ABL1: variants seen among roughly 807,000 people sequenced by gnomAD.
The protein encoded by ABL1 is ABL proto-oncogene 1, non-receptor tyrosine kinase.
In ABL1, 11 loss-of-function variants were observed where a neutral mutation model predicts 94.7. The ratio of observed to expected loss-of-function variants is 0.12; its 90% confidence interval spans 0.07 to 0.19. The LOEUF (loss-of-function observed/expected upper bound fraction) is 0.19, where lower values mean the gene tolerates loss of function less well. Among genes scored for constraint, ABL1 ranks in the 10% least tolerant of loss-of-function variants. The pLI, the probability that ABL1 is intolerant of heterozygous loss-of-function variation, is 1.00. For missense variants in ABL1, 1,082 were observed against 1,489.4 expected (o/e 0.73, Z 4.50); for synonymous variants, 656 against 622.4 (o/e 1.05, Z -0.80).
intron 1 of ABL1, among the ~76,000 whole-genome samples, chr9:130,779,852 A>G (rs1184555731): frequency 6.6e-6 from 1 of 152,170 alleles, no homozygotes; most frequent in African/African-American, 2.4e-5. Context: ...ACTGCGGGCA[A>G]ACCTGACAGC....
intron 1 of ABL1, among the ~76,000 whole-genome samples, chr9:130,741,419 C>T (rs544902624): frequency 2.6e-4 from 39 of 152,040 alleles, no homozygotes; most frequent in African/African-American, 3.9e-4. Context: ...GTTACCATGC[C>T]GGAGTAACAG....
rs1048009216 is a variant in ABL1, at chr9:130,731,319, T to C, written c.136+16864T>C. 7.9e-5 allele frequency among the ~76,000 whole-genome samples: 12 copies of C among 152,288 alleles called. No individual in the cohort carries two copies. The South Asian group carries it at 1.7e-3, about 21-fold the overall frequency. On this transcript the variant is annotated intron_variant, in intron 1 of 10. Coordinates refer to the ABL1 transcript ENST00000372348. The stretch of plus-strand genomic sequence containing the variant: ...ACTGCGTCCGGCTGCTTTTTCACTC[T>C]CTTAATGGTGTCTTTGATAAACCTT...
chr9:130,817,646 C>G (rs530644730), intron 1 of ABL1, among the ~76,000 whole-genome samples: 2 of 152,276 alleles, frequency 1.3e-5, no homozygotes, highest in South Asian at 4.1e-4. Flanking sequence ...TGAGTGTACC[C>G]TTTCTGCAGA....
chr9:130,878,283 T>G, intron 7 of ABL1, 132 bp from the exon 8 acceptor site: 2 of 1,078,332 alleles, frequency 1.9e-6, no homozygotes, highest in Non-Finnish European at 2.7e-6. Context: ...AAGAGCCTGG[T>G]AAAATGTCAG....
chr9:130,751,541 G>A (rs1192243752), intron 1 of ABL1, among the ~76,000 whole-genome samples: 1 of 152,166 alleles, frequency 6.6e-6, no homozygotes, highest in East Asian at 1.9e-4. Context: ...TGGGCTTCAT[G>A]AGTGATTCCC....
chr9:130,753,980 T>C (rs1053458646), intron 1 of ABL1, among the ~76,000 whole-genome samples: 3 of 149,400 alleles, frequency 2.0e-5, no homozygotes, highest in Non-Finnish European at 4.5e-5. Flanking sequence ...CTGAGGCGGG[T>C]GTATCACCTG....
In ABL1 at chr9:130,734,515, TG is replaced by T. The variant is rs548927972; in HGVS notation, c.136+20061del. Reference sequence around the variant, plus strand: ...CAGGTGTGAGCCACTGCGCCTGGCCTGAATCTTCTTTTTTTTTTTTTTTTGA... The same window carrying T: ...CAGGTGTGAGCCACTGCGCCTGGCCTAATCTTCTTTTTTTTTTTTTTTTGA... On this transcript the variant is annotated intron_variant, in intron 1 of 10. Coordinates refer to the ABL1 transcript ENST00000372348. Among the ~76,000 whole-genome samples, 1,229 of 148,764 alleles carry T rather than the reference TG, an allele frequency of 8.3e-3. 24 individuals are homozygous for T. The highest frequency in any genetic ancestry group is 0.03 in the African/African-American group (1,196 of 40,426).
chr9:130,761,619 A>G (rs148480206), intron 1 of ABL1, among the ~76,000 whole-genome samples: 226 of 152,362 alleles, frequency 1.5e-3, no homozygotes, highest in African/African-American at 5.3e-3. Context: ...TCTTTTCCGC[A>G]TCACGCGTGG....
chr9:130,880,428 AACC>A lies in ABL1; in HGVS notation c.1514-66_1514-64del. On this transcript the variant is annotated intron_variant, in intron 9 of 10. Coordinates refer to ENST00000318560, the MANE Select transcript of ABL1 (RefSeq NM_005157.6). The surrounding 1 kb of genome is among the most constrained non-coding windows in gnomAD (Gnocchi z 4.4). ...GCACTGTTACCTTACAAAGAAAGAG[AACC>A]ACCACACCAAGCCAACACCAGTACT... is the stretch of plus-strand genomic sequence containing the variant. 1 of 1,556,364 alleles carries A rather than the reference AACC, an allele frequency of 6.4e-7. No homozygotes were observed. The highest frequency in any genetic ancestry group is 8.8e-7 in the Non-Finnish European group (1 of 1,141,558).
rs142188571 is a variant in ABL1, at chr9:130,745,378, C to T, written c.136+30923C>T. Among the ~76,000 whole-genome samples, 486 of 152,146 alleles carry T rather than the reference C, an allele frequency of 3.2e-3. 2 individuals carry two copies. The highest frequency in any genetic ancestry group is 0.011 in the African/African-American group (460 of 41,512). ...GGATTACAGGCGTGAGTCACTGTGCCCAGCCCTGGGAACCTTTTAATTGTC... is the reference window on the plus strand; with the variant it reads ...GGATTACAGGCGTGAGTCACTGTGCTCAGCCCTGGGAACCTTTTAATTGTC... On this transcript the variant is annotated intron_variant, in intron 1 of 10. Coordinates refer to the ABL1 transcript ENST00000372348.
chr9:130,747,243 T>C (rs34740104), intron 1 of ABL1, among the ~76,000 whole-genome samples: 2,175 of 152,156 alleles, frequency 0.014, 57 homozygotes, highest in African/African-American at 0.049. Flanking sequence ...TTGGGCATGG[T>C]GGCATGCACC....
chr9:130,817,756 G>A (rs765780249), intron 1 of ABL1, among the ~76,000 whole-genome samples: 13 of 152,176 alleles, frequency 8.5e-5, no homozygotes, highest in Non-Finnish European at 1.5e-4. Flanking sequence ...CATATGTGTC[G>A]CTGCATGTAA....
Position 130,885,871 on chromosome 9 carries a change from C to T in ABL1, c.*188C>T, listed in dbSNP as rs572166014. 332 of 695,898 alleles carry T rather than the reference C, an allele frequency of 4.8e-4. 7 individuals carry two copies. The South Asian group carries it at 6.5e-3, about 14-fold the overall frequency. 43.1% of individuals were successfully genotyped at this position (695,898 alleles called of 1,614,324 possible). A position where few individuals can be genotyped will look rare whatever the true frequency, so the allele number is the denominator to read the frequency against. On this transcript the variant is annotated 3_prime_UTR_variant, in exon 11 of 11. Transcript: ENST00000318560. ...TACCTACGTTTGCACCGCCTGCCCT[C>T]CCGCACCTTCCTCCTCCCCGCTCCG...
At position 130,806,037 on chromosome 9, in the gene ABL1, G is replaced by T. The variant is rs564236762; in HGVS notation, c.137-48027G>T. On this transcript the variant is annotated intron_variant, in intron 1 of 10. Transcript: ENST00000372348. ...GCAAATGATTTAAAATAGGAAGAAA[G>T]CAGGTGTCTGGCCCAGAGGACCAGA... 6.6e-5 allele frequency among the ~76,000 whole-genome samples: 10 copies of T among 152,320 alleles called. No homozygotes were observed. In the East Asian group the frequency reaches 1.9e-3, roughly 29 times the overall value.
At chr9:130,870,016 G>C (rs946266216) in intron 4 of ABL1, among the ~76,000 whole-genome samples, 3 of 152,158 alleles carry the variant, frequency 2.0e-5, no homozygotes, top group African/African-American at 7.2e-5. Flanking sequence ...GTAGAGATGG[G>C]GTTTCACCAT....
At chr9:130,765,223 C>A (rs2132757062) in intron 1 of ABL1, among the ~76,000 whole-genome samples, 1 of 152,186 alleles carries the variant, frequency 6.6e-6, no homozygotes, top group East Asian at 1.9e-4. Context: ...GCGAGGAGGT[C>A]CATATCCTTC....
chr9:130,837,367 T>C (rs1830604663), intron 1 of ABL1, among the ~76,000 whole-genome samples: 1 of 152,218 alleles, frequency 6.6e-6, no homozygotes, highest in South Asian at 2.1e-4. Context: ...GAATGGACTT[T>C]TGTAAGTGCA....
In ABL1 at chr9:130,885,540, C is replaced by A. The variant is rs1831564416; in HGVS notation, c.3250C>A (p.Arg1084=). The change falls in exon 11 of 11, where the codon CGA becomes AGA. Residue 1084 remains arginine (R), a synonymous_variant. Transcript: ENST00000318560. The part of the protein sequence containing the change: ...IQQMRNKFAF[R]EAINKLENNL... ...GCAAATGAGGAACAAGTTTGCCTTC[C>A]GAGAGGCCATCAACAAACTGGAGAA... 5 of 1,614,154 alleles carry A rather than the reference C, an allele frequency of 3.1e-6. No individual in the cohort carries two copies. Among genetic ancestry groups the A allele is most frequent in the Non-Finnish European group, 4.2e-6 (5 of 1,180,050 alleles).
intron 1 of ABL1, among the ~76,000 whole-genome samples, chr9:130,815,583 A>G (rs1830274200): frequency 6.6e-6 from 1 of 152,104 alleles, no homozygotes; most frequent in African/African-American, 2.4e-5. Flanking sequence ...GGATGATTTC[A>G]TTAGCCTCTT....
Sources: allele counts gnomAD v4.1 joint callset (sites outside exome capture counted in the v4.1 genomes callset), GRCh38; gene constraint gnomAD v4.1.1; non-coding constraint Gnocchi (gnomAD v3.1); transcripts MANE v1.5; gene names NCBI Gene and HGNC (gene_info 2026-07-23, HGNC 2026-07-21).